PPM1H: variants seen among roughly 807,000 people sequenced by gnomAD.
PPM1H encodes the protein protein phosphatase, Mg2+/Mn2+ dependent 1H.
In PPM1H, 27 loss-of-function variants were observed where a neutral mutation model predicts 54.9. That is an observed-to-expected ratio of 0.49 (90% CI 0.36 to 0.68). The LOEUF (loss-of-function observed/expected upper bound fraction) is 0.68, where lower values mean the gene tolerates loss of function less well. Ranked by LOEUF, PPM1H falls within the 30% of genes least tolerant of loss-of-function variation. PPM1H has a pLI of 0.00. For missense variants in PPM1H, 596 were observed against 667.8 expected, an observed-to-expected ratio of 0.89 and a Z score of 1.19; for synonymous variants, 305 against 270.8, an observed-to-expected ratio of 1.13 and a Z score of -1.24.
At chr12:62,691,165 G>A (rs945079589) in intron 7 of PPM1H, among the ~76,000 whole-genome samples, 11 of 152,172 alleles carry the variant, frequency 7.2e-5, no homozygotes, top group Non-Finnish European at 1.6e-4. Context: ...GCACAGAAAG[G>A]TGGATTGCAT....
At chr12:62,706,099 C>T (rs1314944637) in intron 6 of PPM1H, among the ~76,000 whole-genome samples, 1 of 152,234 alleles carries the variant, frequency 6.6e-6, no homozygotes, top group Non-Finnish European at 1.5e-5. Context: ...CATTTCAAGG[C>T]TTTCCACCCA....
At chr12:62,924,915 T>C (rs1270097946) in intron 1 of PPM1H, among the ~76,000 whole-genome samples, 1 of 152,080 alleles carries the variant, frequency 6.6e-6, no homozygotes, top group Non-Finnish European at 1.5e-5. Context: ...TGGTGGCGCA[T>C]GCCTGTGGTC....
Position 62,656,840 on chromosome 12 carries a change from C to T in PPM1H, c.1398-8204G>A, listed in dbSNP as rs566774060. 8.7e-4 allele frequency among the ~76,000 whole-genome samples: 132 copies of T among 151,974 alleles called. 1 individual carries two copies. The highest frequency in any genetic ancestry group is 3.0e-3 in the African/African-American group (123 of 41,446). On this transcript the variant is annotated intron_variant, in intron 9 of 9. Transcript: ENST00000228705. Reference sequence around the variant, plus strand: ...TGTTGGCAGGGGTCTATGGCAGTGGCGTCTTGGTGGGTGGAGGGTCAGGGG... The same window carrying T: ...TGTTGGCAGGGGTCTATGGCAGTGGTGTCTTGGTGGGTGGAGGGTCAGGGG...
At chr12:62,755,107 C>T (rs2076464340) in intron 4 of PPM1H, 1 of 382,482 alleles carries the variant, frequency 2.6e-6, no homozygotes. Context: ...AATATCATGT[C>T]TTTCTTTTCT....
chr12:62,774,200 G>A (rs1394641873), intron 4 of PPM1H, among the ~76,000 whole-genome samples: 4 of 152,272 alleles, frequency 2.6e-5, no homozygotes, highest in East Asian at 1.9e-4. Flanking sequence ...GCAGGAAACC[G>A]GCTCAGAGAG....
intron 3 of PPM1H, among the ~76,000 whole-genome samples, chr12:62,800,795 A>G (rs2076763804): frequency 6.6e-6 from 1 of 152,246 alleles, no homozygotes; most frequent in African/African-American, 2.4e-5. Context: ...AAGTAAGCTC[A>G]CAGAGGGAAA....
In PPM1H at chr12:62,667,264, A is replaced by G. The variant is rs1332353152; in HGVS notation, c.1311T>C (p.Asp437=). ...GSDDVLILAT[D]GLWDVLSNEE... is the part of the protein sequence containing the mutation. The stretch of plus-strand genomic sequence containing the variant: ...CATTTGATAAAACGTCCCAGAGTCC[A>G]TCAGTGGCCAAGATCAGCACATCAT... The change falls in exon 9 of 10, where the codon GAT becomes GAC. Residue 437 remains aspartate, a synonymous_variant. Coordinates refer to ENST00000228705, the MANE Select transcript of PPM1H (RefSeq NM_020700.2). 1.2e-6 allele frequency: 2 copies of G among 1,604,076 alleles called. No individual in the cohort carries two copies. Among genetic ancestry groups the G allele is most frequent in the Non-Finnish European group, 8.5e-7 (1 of 1,171,098 alleles).
At position 62,901,614 on chromosome 12, in the gene PPM1H, C is replaced by T. The variant is rs147148111; in HGVS notation, c.245+32878G>A. Among the ~76,000 whole-genome samples, 331 of 152,294 alleles carry T rather than the reference C, an allele frequency of 2.2e-3. 8 individuals carry two copies. The highest frequency in any genetic ancestry group is 0.018 in the Admixed American group (280 of 15,292). On this transcript the variant is annotated intron_variant, in intron 1 of 9. Coordinates refer to ENST00000228705, the MANE Select transcript of PPM1H (RefSeq NM_020700.2). The stretch of plus-strand genomic sequence containing the variant: ...AATACACACACACTTGCTGTTAAGG[C>T]TATCAAGTTAAATTTAAGAAGCAGA...
Position 62,867,564 on chromosome 12 carries a change from A to ATTTTTT in PPM1H, c.246-35291_246-35286dup, listed in dbSNP as rs34772338. 6.6e-3 allele frequency among the ~76,000 whole-genome samples: 364 copies of ATTTTTT among 55,360 alleles called. 64 individuals carry two copies. Among genetic ancestry groups the ATTTTTT allele is most frequent in the African/African-American group, 0.016 (242 of 15,596 alleles). The allele number at this position is 55,360 out of a possible 152,430, so 36.3% of individuals were successfully genotyped here. ...TCCTGAAATACATCTTATGAGCACTATTTTTTTTTTTTTTTTTTTTTTTTT... is the reference window on the plus strand; with the variant it reads ...TCCTGAAATACATCTTATGAGCACTATTTTTTTTTTTTTTTTTTTTTTTTTTTTTTT... On this transcript the variant is annotated intron_variant, in intron 1 of 9. Transcript: ENST00000228705.
chr12:62,873,024 T>C (rs1404645845), intron 1 of PPM1H, among the ~76,000 whole-genome samples: 1 of 152,228 alleles, frequency 6.6e-6, no homozygotes, highest in African/African-American at 2.4e-5. Context: ...ACTTTTTTAA[T>C]TTCTATTTTA....
intron 6 of PPM1H, among the ~76,000 whole-genome samples, chr12:62,706,659 C>T (rs575758549): frequency 5.3e-4 from 80 of 152,134 alleles, no homozygotes; most frequent in Non-Finnish European, 8.7e-4. Context: ...GGTCATATAT[C>T]TGGGAGGAAA....
intron 3 of PPM1H, among the ~76,000 whole-genome samples, chr12:62,801,561 C>T (rs1318017029): frequency 2.0e-5 from 3 of 152,232 alleles, no homozygotes; most frequent in African/African-American, 7.2e-5. Context: ...CTGCCTCGGC[C>T]TCCCAAAGTG....
intron 4 of PPM1H, among the ~76,000 whole-genome samples, chr12:62,778,448 G>C (rs2076623568): frequency 6.6e-6 from 1 of 152,100 alleles, no homozygotes. Flanking sequence ...CCTTTCTTGA[G>C]TGCTCCTCCA....
intron 2 of PPM1H, among the ~76,000 whole-genome samples, chr12:62,822,494 T>C (rs898377390): frequency 1.3e-5 from 2 of 152,036 alleles, no homozygotes; most frequent in African/African-American, 4.8e-5. Flanking sequence ...GAGTTGGAAG[T>C]AAAGCAGTCC....
At chr12:62,727,635 AAATATT>A (rs1298686644) in intron 5 of PPM1H, among the ~76,000 whole-genome samples, 1 of 81,064 alleles carries the variant, frequency 1.2e-5, no homozygotes, top group East Asian at 3.2e-4. Context: ...ATTAAAATGC[AAATATT>A]ATTATTATTA....
intron 3 of PPM1H, among the ~76,000 whole-genome samples, chr12:62,793,696 C>T (rs1358624173): frequency 2.2e-5 from 3 of 139,208 alleles, no homozygotes; most frequent in South Asian, 2.3e-4. Context: ...GCCAAGATCG[C>T]GTCATTGCAC....
Position 62,934,582 on chromosome 12 carries a change from T to TCCTGAGAC in PPM1H, c.147_154dup (p.Asp52GlyfsTer55). 6.4e-7 allele frequency: 1 copy of TCCTGAGAC among 1,562,908 alleles called. No individual in the cohort carries two copies. The highest frequency in any genetic ancestry group is 8.7e-7 in the Non-Finnish European group (1 of 1,154,892). On this transcript the variant is annotated frameshift_variant, in exon 1 of 10. Transcript: ENST00000228705. LOFTEE classifies it high-confidence loss of function. The surrounding 1 kb of genome is among the most constrained non-coding windows in gnomAD (Gnocchi z 4.2). ...GTGGTCGGCGCTGCACTCCACCTCG[T>TCCTGAGAC]CCTGAGACAGCCCCAGGAACTCTGG...
intron 4 of PPM1H, among the ~76,000 whole-genome samples, chr12:62,780,864 C>T (rs2076637788): frequency 1.3e-5 from 2 of 152,230 alleles, no homozygotes; most frequent in African/African-American, 4.8e-5. Context: ...CACTGTTCTA[C>T]CCTAGCTCAG....
intron 9 of PPM1H, among the ~76,000 whole-genome samples, chr12:62,650,559 C>G (rs2075810007): frequency 6.6e-6 from 1 of 152,206 alleles, no homozygotes. Context: ...CTGCTCACCT[C>G]ATTCTCACAC....
Sources: allele counts gnomAD v4.1 joint callset (sites outside exome capture counted in the v4.1 genomes callset), GRCh38; gene constraint gnomAD v4.1.1; non-coding constraint Gnocchi (gnomAD v3.1); transcripts MANE v1.5; gene names NCBI Gene and HGNC (gene_info 2026-07-23, HGNC 2026-07-21).